The following PLCG2 variants were observed in gnomAD, a reference collection of about 807,000 sequenced individuals.
The protein encoded by PLCG2 is 1-phosphatidylinositol 4,5-bisphosphate phosphodiesterase gamma-2.
PLCG2 carries 69 observed loss-of-function variants against 175.6 expected under a neutral mutation model. That is an observed-to-expected ratio of 0.39 (90% CI 0.32 to 0.48). The LOEUF (loss-of-function observed/expected upper bound fraction) is 0.48, where lower values mean the gene tolerates loss of function less well. Among genes scored for constraint, PLCG2 ranks in the 20% least tolerant of loss-of-function variants. The probability of loss-of-function intolerance (pLI) is 0.91; values close to 1 mark genes in which losing one functional copy is unlikely to be tolerated. For synonymous variants in PLCG2, 827 were observed against 624.0 expected, an observed-to-expected ratio of 1.33 and a Z score of -4.85; for missense variants, 1,798 against 1,650.9, an observed-to-expected ratio of 1.09 and a Z score of -1.54.
chr16:81,786,297 T>C, intron 2 of PLCG2, 115 bp downstream of exon 2: 1 of 836,960 alleles, frequency 1.2e-6, no homozygotes, highest in Non-Finnish European at 1.8e-6. Flanking sequence ...ATGTGTTCTT[T>C]TATTCGTCTT....
intron 2 of PLCG2, among the ~76,000 whole-genome samples, chr16:81,820,534 C>T (rs777577476): frequency 2.6e-5 from 4 of 152,204 alleles, no homozygotes; most frequent in South Asian, 2.1e-4. Flanking sequence ...TTCCAGTGAC[C>T]GAATATACCA....
At chr16:81,900,997 C>T (rs1909126628) in intron 14 of PLCG2, among the ~76,000 whole-genome samples, 1 of 152,242 alleles carries the variant, frequency 6.6e-6, no homozygotes, top group South Asian at 2.1e-4. Context: ...GGAGATAATA[C>T]TGGAACTCAT....
chr16:81,952,141 A>T (rs548906672), intron 31 of PLCG2, among the ~76,000 whole-genome samples: 176 of 152,286 alleles, frequency 1.2e-3, no homozygotes, highest in African/African-American at 4.1e-3. Context: ...TAAGAAAAAA[A>T]CATAAAATCT....
At chr16:81,767,568 T>C (rs1372983760) in intron 2 of PLCG2, 2 of 152,216 alleles carry the variant, frequency 1.3e-5, no homozygotes, top group Non-Finnish European at 2.9e-5. Context: ...TGTATTGTAA[T>C]AAAATCTTGT....
intron 25 of PLCG2, among the ~76,000 whole-genome samples, chr16:81,934,158 C>T (rs73598707): frequency 0.035 from 5,282 of 152,214 alleles, 304 homozygotes; most frequent in African/African-American, 0.12. Context: ...GAAGAGCCCC[C>T]TTCCATCCTG....
At chr16:81,823,485 T>G (rs1236932101) in intron 2 of PLCG2, among the ~76,000 whole-genome samples, 1 of 152,214 alleles carries the variant, frequency 6.6e-6, no homozygotes, top group African/African-American at 2.4e-5. Flanking sequence ...CCTTCCTGTC[T>G]AGCTTGGATT....
intron 5 of PLCG2, among the ~76,000 whole-genome samples, chr16:81,860,172 A>ATT (rs1555513300): frequency 0.026 from 3,175 of 120,546 alleles, 75 homozygotes; most frequent in African/African-American, 0.031. Flanking sequence ...TATTATTATT[A>ATT]TTTTTTTTTT....
chr16:81,879,998 A>G (rs2056379099), intron 7 of PLCG2, among the ~76,000 whole-genome samples: 2 of 152,186 alleles, frequency 1.3e-5, no homozygotes, highest in Admixed American at 1.3e-4. Flanking sequence ...CCAGCTACTG[A>G]GGGGGCTCAG....
intron 26 of PLCG2, chr16:81,935,837 A>C (rs1029604274): frequency 6.1e-6 from 6 of 985,120 alleles, no homozygotes; most frequent in Non-Finnish European, 7.2e-6. Context: ...TCTCCTACCC[A>C]AAACCATTCC....
chr16:81,816,522 G>C (rs1411990530), intron 2 of PLCG2, among the ~76,000 whole-genome samples: 1 of 151,234 alleles, frequency 6.6e-6, no homozygotes, highest in Non-Finnish European at 1.5e-5. Flanking sequence ...CTGTTGCCCA[G>C]GTTGGAGTGC....
At chr16:81,790,154 G>A (rs1431672003) in intron 2 of PLCG2, among the ~76,000 whole-genome samples, 3 of 152,216 alleles carry the variant, frequency 2.0e-5, no homozygotes, top group Non-Finnish European at 4.4e-5. Flanking sequence ...GAGAGGCTCG[G>A]CTGAATTCAT....
chr16:81,912,589 T>C lies in PLCG2; in HGVS notation c.1935-8T>C. ...CACCTGGTCGTTTTCCCTGGCCCTG[T>C]GCCGCAGGTGGTACTATGACAGCCT... On this transcript the variant is annotated splice_polypyrimidine_tract_variant and splice_region_variant and intron_variant, in intron 18 of 32. Coordinates refer to ENST00000564138, the MANE Select transcript of PLCG2 (RefSeq NM_002661.5). 1 of 1,612,640 alleles carries C rather than the reference T, an allele frequency of 6.2e-7. No homozygotes were observed. The highest frequency in any genetic ancestry group is 1.3e-5 in the African/African-American group (1 of 75,054).
chr16:81,815,728 G>T (rs1904514316), intron 2 of PLCG2, among the ~76,000 whole-genome samples: 1 of 152,108 alleles, frequency 6.6e-6, no homozygotes, highest in Non-Finnish European at 1.5e-5. Flanking sequence ...CGGTCTTCTT[G>T]GTGGAAACCT....
chr16:81,928,312 C>A (rs954487906), intron 23 of PLCG2, among the ~76,000 whole-genome samples: 1 of 152,094 alleles, frequency 6.6e-6, no homozygotes, highest in Non-Finnish European at 1.5e-5. Context: ...TTCTAGAATT[C>A]ACAAGGCACG....
At chr16:81,811,074 A>G (rs1206784257) in intron 2 of PLCG2, among the ~76,000 whole-genome samples, 1 of 152,122 alleles carries the variant, frequency 6.6e-6, no homozygotes, top group Non-Finnish European at 1.5e-5. Flanking sequence ...ATGAGTGTGC[A>G]CTTCCTGGAA....
intron 3 of PLCG2, among the ~76,000 whole-genome samples, chr16:81,857,750 T>C (rs912888500): frequency 6.6e-6 from 1 of 152,178 alleles, no homozygotes; most frequent in Non-Finnish European, 1.5e-5. Context: ...AGATTCAACA[T>C]ATGAATTCGG....
intron 12 of PLCG2, 46 bp downstream of exon 12, chr16:81,893,840 G>T (rs146069871): frequency 1.7e-6 from 2 of 1,203,892 alleles, no homozygotes; most frequent in Non-Finnish European, 1.2e-6. Flanking sequence ...AGCAAATTGA[G>T]GATAACCATG....
chr16:81,747,628 A>G lies in PLCG2; in HGVS notation c.-144-8242A>G, dbSNP rs77004829. ...TGTGGATAGAGGATGAGTTACATCA[A>G]TTGTGATGTATCCATATACTGGAAT... On this transcript the variant is annotated intron_variant, in intron 1 of 5. Transcript: ENST00000565054. Among the ~76,000 whole-genome samples, 1,349 of 152,320 alleles carry G rather than the reference A, an allele frequency of 8.9e-3. 20 individuals are homozygous for G. Among genetic ancestry groups the G allele is most frequent in the African/African-American group, 0.03 (1,249 of 41,562 alleles).
chr16:81,885,085 T>A (rs1908291288), intron 9 of PLCG2, among the ~76,000 whole-genome samples: 1 of 150,614 alleles, frequency 6.6e-6, no homozygotes, highest in African/African-American at 2.5e-5. Flanking sequence ...AGAGTCTTGC[T>A]CTGTCACCAG....
Sources: gnomAD v4.1 joint callset for allele counts (sites outside exome capture counted in the v4.1 genomes callset) on GRCh38, gnomAD v4.1.1 for gene constraint, MANE v1.5 for transcripts, NCBI Gene and HGNC (gene_info 2026-07-23, HGNC 2026-07-21) for gene names.